Variants in CFHR5 observed in about 807,000 individuals in gnomAD.
The protein encoded by CFHR5 is complement factor H-related protein 5.
In CFHR5, 73 loss-of-function variants were observed where a neutral mutation model predicts 62.9. That is an observed-to-expected ratio of 1.16 (90% CI 0.96 to 1.41). The LOEUF is 1.41. Among genes scored for constraint, CFHR5 ranks in the 40% most tolerant of loss-of-function variants. The probability of loss-of-function intolerance (pLI) is 0.00; values close to 1 mark genes in which losing one functional copy is unlikely to be tolerated. For missense variants in CFHR5, 779 were observed against 679.9 expected (o/e 1.15, Z -1.62); for synonymous variants, 249 against 227.2 (o/e 1.10, Z -0.86).
intron 3 of CFHR5, among the ~76,000 whole-genome samples, chr1:196,992,287 C>T (rs573589207): frequency 2.0e-5 from 3 of 152,216 alleles, no homozygotes; most frequent in Admixed American, 6.5e-5. Flanking sequence ...GTGAGTGTCC[C>T]GATTTTCCAG....
rs566913870 is a variant in CFHR5, at chr1:197,009,535, A to G, written c.*852A>G. On this transcript the variant is annotated 3_prime_UTR_variant, in exon 10 of 10. Coordinates refer to ENST00000256785, the MANE Select transcript of CFHR5 (RefSeq NM_030787.4). ...TAGTCTCTATCTTCATGTTATTATC[A>G]CTTAAAAACCTGCGAAAGCTGTCAA... 6.6e-6 allele frequency: 1 copy of G among 152,200 alleles called. No homozygotes were observed. The highest frequency in any genetic ancestry group is 1.5e-5 in the Non-Finnish European group (1 of 68,038). The allele number at this position is 152,200 out of a possible 1,614,324, so 9.4% of individuals were successfully genotyped here.
At chr1:196,980,326 G>A (rs1446892876) in intron 1 of CFHR5, among the ~76,000 whole-genome samples, 1 of 148,256 alleles carries the variant, frequency 6.7e-6, no homozygotes, top group Non-Finnish European at 1.5e-5. Flanking sequence ...CCAGTACCAT[G>A]GTCATTTATT....
chr1:196,989,098 G>A (rs898254694), intron 3 of CFHR5, among the ~76,000 whole-genome samples: 2 of 152,132 alleles, frequency 1.3e-5, no homozygotes, highest in African/African-American at 4.8e-5. Flanking sequence ...TTAGTCTTGG[G>A]AGGATGTATG....
In CFHR5 at chr1:196,984,062, A is replaced by G; in HGVS notation, c.355A>G (p.Ser119Gly). ...TVQIICNTGY[S>G]LQNNEKNISC... The stretch of plus-strand genomic sequence containing the variant: ...ACAAATTATTTGCAACACAGGATAC[A>G]GCCTTCAAAACAATGAGAAAAACAT... Residue 119 changes from serine (S) to glycine (G), a missense_variant, in exon 3 of 10, where the codon AGC (serine) becomes GGC (glycine). Ser to Gly is a moderately conservative substitution (Grantham distance 56). Transcript: ENST00000256785. 3 of 1,613,754 alleles carry G rather than the reference A, an allele frequency of 1.9e-6. No homozygotes were observed. The highest frequency in any genetic ancestry group is 2.5e-6 in the Non-Finnish European group (3 of 1,179,752).
chr1:196,996,938 C>A (rs1461175521), intron 6 of CFHR5, among the ~76,000 whole-genome samples: 7 of 152,058 alleles, frequency 4.6e-5, no homozygotes, highest in Non-Finnish European at 8.8e-5. Context: ...CTTGCAGCCT[C>A]AGGACTTCCA....
intron 3 of CFHR5, among the ~76,000 whole-genome samples, chr1:196,993,031 TTAA>T (rs565518328): frequency 3.9e-5 from 6 of 152,032 alleles, no homozygotes; most frequent in Non-Finnish European, 8.8e-5. Flanking sequence ...AAACTAACCA[TTAA>T]TGAAAGATTA....
rs773973110 is a variant in CFHR5, at chr1:196,994,197, G to A, written c.548G>A (p.Gly183Glu). ...TGCAGAAAAAATCTTATAAGAGTTG[G>A]ATCAGACTCAGTTCAATGTTACCAA... ...FSCRKNLIRVGSDSVQCYQFG... is the reference protein window; with the variant it reads ...FSCRKNLIRVESDSVQCYQFG... The change falls in exon 4 of 10, where the codon GGA becomes GAA. Residue 183 changes from glycine to glutamate, a missense_variant. Physicochemically the swap from Gly to Glu is moderately conservative, Grantham distance 98. Coordinates refer to ENST00000256785, the MANE Select transcript of CFHR5 (RefSeq NM_030787.4). The A allele has an allele frequency of 7.4e-6, 12 of 1,613,618 alleles. No individual in the cohort carries two copies. In the South Asian group the frequency reaches 1.3e-4, roughly 18 times the overall value.
chr1:196,997,314 C>A (rs182074982), intron 6 of CFHR5, among the ~76,000 whole-genome samples: 2 of 152,126 alleles, frequency 1.3e-5, no homozygotes, highest in Admixed American at 1.3e-4. Flanking sequence ...GATCATATAT[C>A]TTCATGGTCA....
At chr1:197,004,916 G>C in intron 9 of CFHR5, 73 bp downstream of exon 9, 2 of 1,124,040 alleles carry the variant, frequency 1.8e-6, no homozygotes, top group Non-Finnish European at 2.7e-6. Flanking sequence ...TAATTTCATA[G>C]AATAACCCTT....
chr1:196,977,309 C>T (rs1023345681), upstream of CFHR5, among the ~76,000 whole-genome samples: 1 of 149,888 alleles, frequency 6.7e-6, no homozygotes, highest in African/African-American at 2.5e-5. Context: ...AAAAAAAACC[C>T]AGGGGGCCGG....
Position 196,998,308 on chromosome 1 carries a change from A to G in CFHR5, c.1147+4A>G. 1.9e-6 allele frequency: 3 copies of G among 1,608,108 alleles called. No individual in the cohort carries two copies. The highest frequency in any genetic ancestry group is 2.6e-6 in the Non-Finnish European group (3 of 1,176,010). On this transcript the variant is annotated splice_donor_region_variant and intron_variant, in intron 7 of 9. Transcript: ENST00000256785. ...AATCCTGAAGTAGACTGCACAGGTA[A>G]GATTTGTTTAAAACATTTTGTTGAT...
Position 196,977,580 on chromosome 1 carries a change from C to A in CFHR5, c.-85C>A, listed in dbSNP as rs765914581. 2 of 1,089,742 alleles carry A rather than the reference C, an allele frequency of 1.8e-6. No individual in the cohort carries two copies. Among genetic ancestry groups the A allele is most frequent in the East Asian group, 2.4e-5 (1 of 42,396 alleles). The allele number at this position is 1,089,742 out of a possible 1,614,324, so 67.5% of individuals were successfully genotyped here. A position where few individuals can be genotyped will look rare whatever the true frequency, so the allele number is the denominator to read the frequency against. ...TAGTACATTGAAATTCAAAGTCATG[C>A]TTGTAACTGTTAATGAAAGCAGATT... is the stretch of plus-strand genomic sequence containing the variant. On this transcript the variant is annotated 5_prime_UTR_variant, in exon 1 of 10. Transcript: ENST00000256785.
chr1:196,992,100 A>T (rs1183854365), intron 3 of CFHR5, among the ~76,000 whole-genome samples: 1 of 152,078 alleles, frequency 6.6e-6, no homozygotes, highest in East Asian at 1.9e-4. Flanking sequence ...GCATTGGCGG[A>T]CGCCCCTCCC....
intron 8 of CFHR5, among the ~76,000 whole-genome samples, chr1:197,003,198 G>A (rs1012956113): frequency 6.6e-6 from 1 of 152,166 alleles, no homozygotes; most frequent in Non-Finnish European, 1.5e-5. Context: ...GTTCACAATA[G>A]GGTTCAAGAT....
At chr1:196,995,477 T>TA (rs1346375488) in intron 4 of CFHR5, among the ~76,000 whole-genome samples, 1 of 152,174 alleles carries the variant, frequency 6.6e-6, no homozygotes, top group Non-Finnish European at 1.5e-5. Context: ...AATCAGTTTA[T>TA]AAGTGTTCAT....
chr1:196,999,682 AG>A (rs1170878177), intron 7 of CFHR5, among the ~76,000 whole-genome samples: 2 of 36,102 alleles, frequency 5.5e-5, no homozygotes, highest in African/African-American at 1.7e-4. Flanking sequence ...TTTGGGAAAA[AG>A]TATATATATA....
intron 6 of CFHR5, among the ~76,000 whole-genome samples, chr1:196,997,925 C>T (rs1654037046): frequency 6.6e-6 from 1 of 152,094 alleles, no homozygotes; most frequent in Non-Finnish European, 1.5e-5. Flanking sequence ...AACTTTCTGA[C>T]CTACTTTCCT....
rs146399759 is a variant in CFHR5, at chr1:197,004,722, A to T, written c.1392A>T (p.Pro464=). The part of the protein sequence containing the change: ...SINNGDTTSF[P]LSVYPPGSTV... ...ACAATGGAGATACCACCTCATTCCC[A>T]TTATCAGTATATCCTCCAGGGTCAA... is the stretch of plus-strand genomic sequence containing the variant. The change falls in exon 9 of 10, where the codon CCA becomes CCT. Residue 464 remains proline (P), a synonymous_variant. Transcript: ENST00000256785. The T allele has an allele frequency of 3.1e-6, 5 of 1,613,298 alleles. No homozygotes were observed. Among genetic ancestry groups the T allele is most frequent in the Non-Finnish European group, 4.2e-6 (5 of 1,179,506 alleles).
chr1:197,000,902 A>G (rs1212183195), intron 7 of CFHR5, among the ~76,000 whole-genome samples: 2 of 152,304 alleles, frequency 1.3e-5, no homozygotes, highest in East Asian at 3.9e-4. Context: ...ATAATAAATA[A>G]TATTGAAAAC....
Sources: allele counts gnomAD v4.1 joint callset (sites outside exome capture counted in the v4.1 genomes callset), GRCh38; gene constraint gnomAD v4.1.1; transcripts MANE v1.5; gene names NCBI Gene and HGNC (gene_info 2026-07-23, HGNC 2026-07-21).